LRRC4C: variants seen among roughly 807,000 people sequenced by gnomAD.
The protein encoded by LRRC4C is leucine-rich repeat-containing protein 4C.
Under a neutral mutation model 33.6 loss-of-function variants are expected in LRRC4C, and 5 were observed. That is an observed-to-expected ratio of 0.15 (90% CI 0.08 to 0.31). LRRC4C has a LOEUF of 0.31. LRRC4C is among the 10% of genes least tolerant of loss of function. The probability of loss-of-function intolerance (pLI) is 1.00; values close to 1 mark genes in which losing one functional copy is unlikely to be tolerated. For missense variants in LRRC4C, 560 were observed against 796.7 expected, an observed-to-expected ratio of 0.70 and a Z score of 3.58; for synonymous variants, 329 against 302.0, an observed-to-expected ratio of 1.09 and a Z score of -0.93.
chr11:41,047,866 A>G (rs1017422308), intron 1 of LRRC4C, among the ~76,000 whole-genome samples: 3 of 152,156 alleles, frequency 2.0e-5, no homozygotes, highest in Admixed American at 1.3e-4. Context: ...TGATGTGTAT[A>G]TACACACACA....
chr11:40,743,093 A>G (rs925920314), intron 2 of LRRC4C, among the ~76,000 whole-genome samples: 7 of 152,132 alleles, frequency 4.6e-5, no homozygotes, highest in Admixed American at 1.3e-4. Context: ...AAAGATAAAA[A>G]TATTGTACGA....
At chr11:40,184,535 CT>C (rs1861259471) in intron 5 of LRRC4C, among the ~76,000 whole-genome samples, 1 of 152,142 alleles carries the variant, frequency 6.6e-6, no homozygotes, top group Non-Finnish European at 1.5e-5. Flanking sequence ...AGCCAGGAGA[CT>C]TGTAGAAATG....
intron 6 of LRRC4C, among the ~76,000 whole-genome samples, chr11:40,138,600 C>T (rs557910394): frequency 5.3e-5 from 8 of 152,346 alleles, no homozygotes; most frequent in Middle Eastern, 3.4e-3. Flanking sequence ...GGGGCCTGAA[C>T]TTGAACTGCC....
chr11:40,469,603 A>G (rs924423172), intron 3 of LRRC4C, among the ~76,000 whole-genome samples: 2 of 152,116 alleles, frequency 1.3e-5, no homozygotes, highest in Admixed American at 6.5e-5. Flanking sequence ...TCCCACCCCC[A>G]CGGAGCCCAG....
intron 1 of LRRC4C, among the ~76,000 whole-genome samples, chr11:41,279,371 C>T (rs1488148953): frequency 1.5e-5 from 2 of 130,974 alleles, no homozygotes; most frequent in African/African-American, 6.5e-5. Context: ...CCATCACATA[C>T]ACACACACAA....
intron 1 of LRRC4C, among the ~76,000 whole-genome samples, chr11:41,225,640 T>C (rs1299677398): frequency 6.6e-6 from 1 of 151,132 alleles, no homozygotes; most frequent in East Asian, 1.9e-4. Flanking sequence ...CTTTATTTTA[T>C]TTATATATAT....
chr11:40,133,505 G>A (rs902685355), intron 6 of LRRC4C, among the ~76,000 whole-genome samples: 8 of 152,096 alleles, frequency 5.3e-5, no homozygotes, highest in East Asian at 3.9e-4. Context: ...AGTAGAGTGC[G>A]GGGAAAGATA....
At chr11:41,111,840 T>C (rs1941848619) in intron 1 of LRRC4C, among the ~76,000 whole-genome samples, 2 of 152,034 alleles carry the variant, frequency 1.3e-5, no homozygotes, top group Admixed American at 1.3e-4. Context: ...TTGTCCATCA[T>C]GATTAACCTT....
At chr11:41,055,505 A>T (rs1218092268) in intron 1 of LRRC4C, among the ~76,000 whole-genome samples, 3 of 152,150 alleles carry the variant, frequency 2.0e-5, no homozygotes, top group African/African-American at 7.2e-5. Context: ...TGGAATAATC[A>T]AAATTTTCAA....
At chr11:40,750,003 A>C (rs985767899) in intron 2 of LRRC4C, among the ~76,000 whole-genome samples, 1 of 152,138 alleles carries the variant, frequency 6.6e-6, no homozygotes, top group African/African-American at 2.4e-5. Context: ...AAAGTATTAC[A>C]TCAAAGAAAA....
intron 3 of LRRC4C, among the ~76,000 whole-genome samples, chr11:40,342,019 G>A (rs1946890873): frequency 1.3e-5 from 2 of 149,550 alleles, no homozygotes; most frequent in Non-Finnish European, 1.5e-5. Context: ...AACAAAATAA[G>A]TCTTTTTAAA....
chr11:40,484,247 G>T (rs566460978), intron 3 of LRRC4C, among the ~76,000 whole-genome samples: 35 of 152,064 alleles, frequency 2.3e-4, no homozygotes, highest in South Asian at 6.2e-4. Flanking sequence ...ATGTAAAATG[G>T]TATACAGTTA....
intron 5 of LRRC4C, among the ~76,000 whole-genome samples, chr11:40,200,180 TAAAAAAAA>T (rs56269292): frequency 0.022 from 579 of 25,948 alleles, 4 homozygotes; most frequent in African/African-American, 0.077. Context: ...CTGTCTCCAC[TAAAAAAAA>T]AAAAAAAAAA....
At chr11:41,284,754 A>G (rs1407886528) in intron 1 of LRRC4C, among the ~76,000 whole-genome samples, 2 of 152,194 alleles carry the variant, frequency 1.3e-5, no homozygotes, top group Non-Finnish European at 1.5e-5. Flanking sequence ...AAAAGTTTGA[A>G]CATGTGTATG....
intron 1 of LRRC4C, among the ~76,000 whole-genome samples, chr11:41,274,927 T>G (rs1949435251): frequency 6.6e-6 from 1 of 152,018 alleles, no homozygotes; most frequent in Non-Finnish European, 1.5e-5. Flanking sequence ...TGATTCCCAG[T>G]GTTGGAGGTG....
intron 1 of LRRC4C, among the ~76,000 whole-genome samples, chr11:41,033,948 CA>C (rs1216455178): frequency 1.3e-5 from 2 of 151,754 alleles, no homozygotes; most frequent in East Asian, 1.9e-4. Context: ...TTAAGAATGA[CA>C]AAAAATAAAA....
chr11:40,341,823 G>A (rs1365968653), intron 3 of LRRC4C, among the ~76,000 whole-genome samples: 1 of 152,100 alleles, frequency 6.6e-6, no homozygotes, highest in Non-Finnish European at 1.5e-5. Context: ...TGACAAGGTT[G>A]GGGTTCAATT....
chr11:40,782,739 A>G (rs1950262401), intron 2 of LRRC4C, among the ~76,000 whole-genome samples: 1 of 152,182 alleles, frequency 6.6e-6, no homozygotes. Context: ...TATTATTTCT[A>G]TTCATGAGAT....
chr11:40,546,740 C>G (rs141085896), intron 3 of LRRC4C, among the ~76,000 whole-genome samples: 99 of 152,222 alleles, frequency 6.5e-4, no homozygotes, highest in African/African-American at 2.3e-3. Flanking sequence ...GAACTAGCTT[C>G]ACATTCTCTC....
Sources: allele counts gnomAD v4.1 joint callset (sites outside exome capture counted in the v4.1 genomes callset), GRCh38; gene constraint gnomAD v4.1.1; transcripts MANE v1.5; gene names NCBI Gene and HGNC (gene_info 2026-07-23, HGNC 2026-07-21).